The following DRP2 variants were observed in gnomAD, a reference collection of about 807,000 sequenced individuals.
The protein encoded by DRP2 is dystrophin related protein 2.
In DRP2, 29 loss-of-function variants were observed where a neutral mutation model predicts 78.2. The observed-to-expected ratio is 0.37, with a 90% CI of 0.28 to 0.51. DRP2 has a LOEUF of 0.51. DRP2 is among the 20% of genes least tolerant of loss of function. The pLI, the probability that DRP2 is intolerant of heterozygous loss-of-function variation, is 0.94. For synonymous variants in DRP2, 290 were observed against 281.9 expected, an observed-to-expected ratio of 1.03 and a Z score of -0.29; for missense variants, 686 against 770.6, an observed-to-expected ratio of 0.89 and a Z score of 1.30.
At chrX:101,243,448 T>C (rs138242693) in intron 9 of DRP2, among the ~76,000 whole-genome samples, 1,955 of 106,102 alleles carry the variant, frequency 0.018, 50 homozygotes, top group African/African-American at 0.064. Flanking sequence ...GATCTGGGTC[T>C]GAGGCACAGC....
At chrX:101,258,706 C>T (rs1923442994) in intron 22 of DRP2, among the ~76,000 whole-genome samples, 160 bp downstream of exon 22, 1 of 107,842 alleles carries the variant, frequency 9.3e-6, no homozygotes, top group African/African-American at 3.4e-5. Flanking sequence ...GGTGGGGGGG[C>T]GGGGGAAAGA....
rs770961264 is a variant in DRP2 at position 101,260,131 on chromosome X, G to T, written c.2711G>T (p.Arg904Leu). The T allele has an allele frequency of 2.5e-6, 3 of 1,211,148 alleles. No individual in the cohort carries two copies. The highest frequency in any genetic ancestry group is 3.4e-6 in the Non-Finnish European group (3 of 895,291). ...CAGCAGTCAGAAGGCAGTCACCCCC[G>T]GGAGAAGGGACAGACTACTCCAGAT... Reference protein sequence around the residue: ...SPQQSEGSHPREKGQTTPDTE... With the variant: ...SPQQSEGSHPLEKGQTTPDTE... The change falls in exon 23 of 24, where the codon CGG becomes CTG. Residue 904 changes from arginine (R) to leucine (L), a missense_variant. Arg to Leu is a moderately radical substitution (Grantham distance 102). Transcript: ENST00000395209.
chrX:101,224,914 C>T (rs1922066071), intron 2 of DRP2, among the ~76,000 whole-genome samples: 1 of 112,538 alleles, frequency 8.9e-6, no homozygotes, highest in African/African-American at 3.2e-5. Context: ...TGAGTGAATG[C>T]AGATTTTTGC....
intron 1 of DRP2, among the ~76,000 whole-genome samples, chrX:101,221,756 G>A (rs1445343804): frequency 1.8e-5 from 2 of 111,916 alleles, no homozygotes; most frequent in African/African-American, 3.3e-5. Context: ...TCTAACTATG[G>A]ATGCTCAGAA....
At chrX:101,260,452 A>C in intron 23 of DRP2, 45 bp from the exon 24 acceptor site, 1 of 1,187,366 alleles carries the variant, frequency 8.4e-7, no homozygotes, top group Non-Finnish European at 1.1e-6. Flanking sequence ...TGGCCTCATA[A>C]AGGAGTCTCT....
rs764314114 is a variant in DRP2, at chrX:101,248,143, A to G, written c.1307A>G (p.Gln436Arg). 2 of 1,211,691 alleles carry G rather than the reference A, an allele frequency of 1.7e-6. No individual in the cohort carries two copies. The highest frequency in any genetic ancestry group is 4.3e-5 in the Admixed American group (2 of 46,037). Reference sequence around the variant, plus strand: ...GAAATCTTCAATGAGCATGATCTGCAGGCCAGTGAGCACGTGATGGATGTG... The same window carrying G: ...GAAATCTTCAATGAGCATGATCTGCGGGCCAGTGAGCACGTGATGGATGTG... The part of the protein sequence containing the change: ...ALEIFNEHDL[Q>R]ASEHVMDVVE... Residue 436 changes from glutamine (Q) to arginine (R), a missense_variant, in exon 13 of 24, where the codon CAG becomes CGG. Physicochemically the swap from Gln to Arg is conservative, Grantham distance 43. Around this residue, in one of 2 missense-constraint regions of DRP2, gnomAD observed 423 missense variants for 531.5 expected, o/e 0.80. Coordinates refer to ENST00000395209, the MANE Select transcript of DRP2 (RefSeq NM_001939.3).
At chrX:101,245,347 G>C (rs1486754658) in intron 10 of DRP2, 41 bp from the exon 11 acceptor site, 3 of 1,146,736 alleles carry the variant, frequency 2.6e-6, no homozygotes, top group Admixed American at 4.8e-5. Context: ...GGGGTGGGTG[G>C]GTGGTATAGA....
intron 18 of DRP2, 22 bp from the exon 19 acceptor site, chrX:101,254,837 A>T: frequency 8.3e-7 from 1 of 1,211,510 alleles, no homozygotes; most frequent in East Asian, 3.0e-5. Context: ...TGGTCCTCCG[A>T]GTCTTTGCTG....
Position 101,235,994 on chromosome X carries a change from T to A in DRP2, c.252T>A (p.Asn84Lys). The A allele has an allele frequency of 8.3e-7, 1 of 1,211,665 alleles. No homozygotes were observed. The highest frequency in any genetic ancestry group is 1.1e-6 in the Non-Finnish European group (1 of 895,478). ...CACCAGCCATGAATCTGTGTTGGAA[T>A]GAAATAAAAAAGAAGTCTCACAACC... ...LEPPAMNLCW[N>K]EIKKKSHNLR... The change falls in exon 4 of 24, where the codon AAT (asparagine) becomes AAA (lysine). Residue 84 changes from asparagine (N) to lysine (K), a missense_variant. Physicochemically the swap from Asn to Lys is moderately conservative, Grantham distance 94. Transcript: ENST00000395209.
At position 101,252,621 on chromosome X, in the gene DRP2, C is replaced by A. The variant is rs761854393; in HGVS notation, c.1882C>A (p.Gln628Lys). Reference sequence around the variant, plus strand: ...TCCCCCAAGGTACCGGAGTCTGAAGCAATTCAACGTTGACATCTGCCAGAC... The same window carrying A: ...TCCCCCAAGGTACCGGAGTCTGAAGAAATTCAACGTTGACATCTGCCAGAC... ...IKGFRYRSLK[Q>K]FNVDICQTCF... The change falls in exon 17 of 24, where the codon CAA becomes AAA. Residue 628 changes from glutamine to lysine, a missense_variant. By Grantham distance (53) the Gln-to-Lys change is moderately conservative. Coordinates refer to ENST00000395209, the MANE Select transcript of DRP2 (RefSeq NM_001939.3). 12 of 1,209,784 alleles carry A rather than the reference C, an allele frequency of 9.9e-6. No homozygotes were observed. The highest frequency in any genetic ancestry group is 1.3e-5 in the Non-Finnish European group (12 of 894,936).
chrX:101,223,776 G>A (rs1425532351), intron 1 of DRP2, among the ~76,000 whole-genome samples: 1 of 111,951 alleles, frequency 8.9e-6, no homozygotes, highest in African/African-American at 3.2e-5. Context: ...TCAGGAATAC[G>A]TTTCCTTGTT....
rs1569510072 is a variant in DRP2, at chrX:101,260,477, ATC to A, written c.2750-16_2750-15del. The A allele has an allele frequency of 8.3e-7, 1 of 1,203,995 alleles. No individual in the cohort carries two copies. The highest frequency in any genetic ancestry group is 1.1e-6 in the Non-Finnish European group (1 of 892,274). Reference sequence around the variant, plus strand: ...AAGGAGTCTCTAGTTCTCTTCTCAAATCTCTGTTTTTTAACCCAGATGATGTG... The same window carrying A: ...AAGGAGTCTCTAGTTCTCTTCTCAAATCTGTTTTTTAACCCAGATGATGTG... On this transcript the variant is annotated intron_variant, in intron 23 of 23. Transcript: ENST00000395209.
In DRP2 at chrX:101,260,687, C is replaced by G. The variant is rs1237063240; in HGVS notation, c.*66C>G. ...GGTTCCGGTCAAAGCCTTTCCTCAG[C>G]CTTCACCCAACCTTTCCAGTTTCCA... On this transcript the variant is annotated 3_prime_UTR_variant, in exon 24 of 24. Transcript: ENST00000395209. 2.6e-6 allele frequency: 3 copies of G among 1,138,529 alleles called. No individual in the cohort carries two copies. Among genetic ancestry groups the G allele is most frequent in the African/African-American group, 1.8e-5 (1 of 55,023 alleles). 93.8% of individuals were successfully genotyped at this position (1,138,529 alleles called of 1,213,427 possible).
chrX:101,252,058 C>A (rs375732432), intron 16 of DRP2, among the ~76,000 whole-genome samples: 2 of 112,150 alleles, frequency 1.8e-5, no homozygotes, highest in African/African-American at 6.5e-5. Context: ...ATTTCACTGT[C>A]CTATGCTACA....
At chrX:101,222,565 A>G (rs1004871082) in intron 1 of DRP2, among the ~76,000 whole-genome samples, 13 of 112,403 alleles carry the variant, frequency 1.2e-4, no homozygotes, top group African/African-American at 4.2e-4. Context: ...AAAATGAAGC[A>G]GATTTAAGGA....
chrX:101,234,518 C>G (rs1406929634), intron 3 of DRP2, among the ~76,000 whole-genome samples: 2 of 112,904 alleles, frequency 1.8e-5, no homozygotes, highest in South Asian at 7.4e-4. Flanking sequence ...AGGGTGACCC[C>G]TGCCTCCTGG....
chrX:101,247,198 A>G, intron 12 of DRP2, 34 bp downstream of exon 12: 2 of 1,133,798 alleles, frequency 1.8e-6, no homozygotes, highest in Admixed American at 2.3e-5. Context: ...TATGACGTTC[A>G]CCACCCCTCT....
chrX:101,251,285 G>T lies in DRP2; in HGVS notation c.1865+202G>T, dbSNP rs1186351756. 3.5e-5 allele frequency: 14 copies of T among 405,697 alleles called. No individual in the cohort carries two copies. In the East Asian group the frequency reaches 6.3e-4, roughly 18 times the overall value. The allele number at this position is 405,697 out of a possible 1,213,427, so 33.4% of individuals were successfully genotyped here. A position where few individuals can be genotyped will look rare whatever the true frequency, so the allele number is the denominator to read the frequency against. The stretch of plus-strand genomic sequence containing the variant: ...GGAAGTGAGGAAATATTTTGTTTTA[G>T]TTGTATTATAAAGTATTACAGACCT... On this transcript the variant is annotated intron_variant, in intron 16 of 23. Coordinates refer to ENST00000395209, the MANE Select transcript of DRP2 (RefSeq NM_001939.3).
chrX:101,251,100 C>G lies in DRP2; in HGVS notation c.1865+17C>G, dbSNP rs762026405. 1 of 1,175,637 alleles carries G rather than the reference C, an allele frequency of 8.5e-7. No individual in the cohort carries two copies. The highest frequency in any genetic ancestry group is 2.4e-5 in the Admixed American group (1 of 41,684). ...GGGGTTCAGGTAGGGAAAACAATACCTGCTGGGATGATAATAATAAATATG... is the reference window on the plus strand; with the variant it reads ...GGGGTTCAGGTAGGGAAAACAATACGTGCTGGGATGATAATAATAAATATG... On this transcript the variant is annotated intron_variant, in intron 16 of 23. Coordinates refer to ENST00000395209, the MANE Select transcript of DRP2 (RefSeq NM_001939.3).
Sources: gnomAD v4.1 joint callset for allele counts (sites outside exome capture counted in the v4.1 genomes callset) on GRCh38, gnomAD v4.1.1 for gene constraint, gnomAD v4.1.1 regional missense constraint, MANE v1.5 for transcripts, NCBI Gene and HGNC (gene_info 2026-07-23, HGNC 2026-07-21) for gene names.